TINAG: variants seen among roughly 807,000 people sequenced by gnomAD.
The protein encoded by TINAG is tubulointerstitial nephritis antigen.
TINAG carries 83 observed loss-of-function variants against 72.7 expected under a neutral mutation model. The observed-to-expected ratio is 1.14, with a 90% CI of 0.96 to 1.37. The LOEUF (loss-of-function observed/expected upper bound fraction) is 1.37, where lower values mean the gene tolerates loss of function less well. TINAG is among the 40% of genes most tolerant of loss of function. The pLI, the probability that TINAG is intolerant of heterozygous loss-of-function variation, is 0.00. For synonymous variants in TINAG, 234 were observed against 189.9 expected, an observed-to-expected ratio of 1.23 and a Z score of -1.91; for missense variants, 685 against 576.6, an observed-to-expected ratio of 1.19 and a Z score of -1.93.
intron 9 of TINAG, among the ~76,000 whole-genome samples, chr6:54,379,427 A>G (rs1014550213): frequency 6.6e-6 from 1 of 152,174 alleles, no homozygotes; most frequent in African/African-American, 2.4e-5. Flanking sequence ...TAGGTTTTTT[A>G]TGAGCTGTCA....
Position 54,373,083 on chromosome 6 carries a change from A to G in TINAG, c.1251-7443A>G, listed in dbSNP as rs1478480528. Among the ~76,000 whole-genome samples, 3 of 152,154 alleles carry G rather than the reference A, an allele frequency of 2.0e-5. No homozygotes were observed. The East Asian group carries it at 5.8e-4, about 29-fold the overall frequency. ...ATATTACTCTTCTCCATTCCCATCAATGTAACAATTGTGTTCATTACATTT... is the reference window on the plus strand; with the variant it reads ...ATATTACTCTTCTCCATTCCCATCAGTGTAACAATTGTGTTCATTACATTT... On this transcript the variant is annotated intron_variant, in intron 9 of 10. Transcript: ENST00000259782.
intron 1 of TINAG, among the ~76,000 whole-genome samples, chr6:54,317,610 AGTCTTGGGTAT>A (rs1784402528): frequency 6.6e-6 from 1 of 152,156 alleles, no homozygotes; most frequent in Non-Finnish European, 1.5e-5. Flanking sequence ...TAAATTACTC[AGTCTTGGGTAT>A]GTCTTTATTA....
chr6:54,326,760 C>T (rs1426492540), intron 3 of TINAG, 42 bp from the exon 4 acceptor site: 4 of 1,403,038 alleles, frequency 2.9e-6, no homozygotes, highest in Non-Finnish European at 3.9e-6. Context: ...GTCATATAAC[C>T]TGTATATATT....
At chr6:54,324,314 T>A in intron 3 of TINAG, among the ~76,000 whole-genome samples, 1 of 152,234 alleles carries the variant, frequency 6.6e-6, no homozygotes, top group East Asian at 1.9e-4. Flanking sequence ...TGTGATGGCC[T>A]TACTCTATGT....
chr6:54,360,114 T>C (rs947024782), intron 9 of TINAG, among the ~76,000 whole-genome samples: 9 of 151,832 alleles, frequency 5.9e-5, no homozygotes, highest in African/African-American at 2.2e-4. Flanking sequence ...GCAGATACAT[T>C]CGCAATTGAT....
chr6:54,339,552 G>T (rs1197849484), intron 4 of TINAG, among the ~76,000 whole-genome samples: 1 of 152,100 alleles, frequency 6.6e-6, no homozygotes, highest in African/African-American at 2.4e-5. Flanking sequence ...GGGTTGAGGG[G>T]GGTGCATGGA....
At position 54,343,775 on chromosome 6, in the gene TINAG, T is replaced by C. The variant is rs547422519; in HGVS notation, c.748+426T>C. ...AAACAGTTATTAATCTAATTTGATG[T>C]GAAGTAAGACTTTAAACCTAAATAA... On this transcript the variant is annotated intron_variant, in intron 5 of 10. Transcript: ENST00000259782. 8.5e-5 allele frequency among the ~76,000 whole-genome samples: 13 copies of C among 152,256 alleles called. No homozygotes were observed. The South Asian group carries it at 2.5e-3, about 29-fold the overall frequency.
intron 5 of TINAG, among the ~76,000 whole-genome samples, chr6:54,347,066 C>A (rs1045458035): frequency 9.2e-5 from 14 of 151,944 alleles, no homozygotes; most frequent in Non-Finnish European, 1.6e-4. Flanking sequence ...AGAGTTTCAC[C>A]TGACAGATTC....
intron 9 of TINAG, among the ~76,000 whole-genome samples, chr6:54,359,278 C>T (rs1486502153): frequency 6.6e-6 from 1 of 151,810 alleles, no homozygotes; most frequent in Non-Finnish European, 1.5e-5. Context: ...AAGTCTAATT[C>T]CTTCTAAACT....
chr6:54,366,152 C>T (rs760319788), intron 9 of TINAG, among the ~76,000 whole-genome samples: 36 of 151,406 alleles, frequency 2.4e-4, no homozygotes, highest in Non-Finnish European at 4.4e-5. Flanking sequence ...TTTCATTTTG[C>T]CAGAAATAAG....
intron 4 of TINAG, chr6:54,327,303 G>A (rs1784630623): frequency 1.0e-6 from 1 of 994,974 alleles, no homozygotes; most frequent in Non-Finnish European, 1.3e-6. Context: ...CATGGAGGGT[G>A]AGCAGAAGCA....
intron 8 of TINAG, among the ~76,000 whole-genome samples, chr6:54,353,673 T>C (rs550887595): frequency 1.3e-4 from 19 of 151,962 alleles, no homozygotes; most frequent in African/African-American, 4.6e-4. Context: ...ATTGAAAAGT[T>C]ATATTTAACT....
intron 4 of TINAG, among the ~76,000 whole-genome samples, chr6:54,333,654 C>A (rs1784797178): frequency 6.6e-6 from 1 of 151,790 alleles, no homozygotes; most frequent in African/African-American, 2.4e-5. Context: ...AATTGATAAT[C>A]CAGAAAAAGA....
intron 5 of TINAG, 110 bp downstream of exon 5, chr6:54,343,459 G>A: frequency 9.4e-7 from 1 of 1,066,024 alleles, no homozygotes; most frequent in Non-Finnish European, 1.2e-6. Context: ...ATTAGCATAT[G>A]ATCAAATAAA....
intron 4 of TINAG, among the ~76,000 whole-genome samples, chr6:54,334,459 T>C (rs939799437): frequency 3.3e-5 from 5 of 152,234 alleles, no homozygotes; most frequent in Non-Finnish European, 5.9e-5. Flanking sequence ...TTATAACTAG[T>C]ATCAGAGAAG....
Position 54,308,529 on chromosome 6 carries a change from A to T in TINAG, c.-22A>T, listed in dbSNP as rs1197863117. 3 of 1,585,728 alleles carry T rather than the reference A, an allele frequency of 1.9e-6. No homozygotes were observed. Among genetic ancestry groups the T allele is most frequent in the Non-Finnish European group, 2.6e-6 (3 of 1,165,924 alleles). ...GGTATTGGATATAACGGAAAGTGGAAGCTATACCTGACTTCCAGAGAATGT... is the reference window on the plus strand; with the variant it reads ...GGTATTGGATATAACGGAAAGTGGATGCTATACCTGACTTCCAGAGAATGT... On this transcript the variant is annotated 5_prime_UTR_variant, in exon 1 of 11. It adds an upstream start codon to the 5' untranslated region. Transcript: ENST00000259782.
intron 1 of TINAG, among the ~76,000 whole-genome samples, chr6:54,318,413 G>C (rs1784419601): frequency 6.6e-6 from 1 of 152,058 alleles, no homozygotes; most frequent in Non-Finnish European, 1.5e-5. Flanking sequence ...AGGTATCTTT[G>C]ATTCCTCTTT....
chr6:54,374,097 A>G (rs1334456223), intron 9 of TINAG, among the ~76,000 whole-genome samples: 1 of 152,066 alleles, frequency 6.6e-6, no homozygotes, highest in East Asian at 1.9e-4. Flanking sequence ...AATTTTCTCC[A>G]AACTTCTTTT....
intron 9 of TINAG, among the ~76,000 whole-genome samples, chr6:54,357,949 T>C (rs1002495992): frequency 1.3e-5 from 2 of 151,888 alleles, no homozygotes; most frequent in Non-Finnish European, 2.9e-5. Flanking sequence ...AGGGCCAACA[T>C]ATTCTGAGGA....
Sources: gnomAD v4.1 joint callset for allele counts (sites outside exome capture counted in the v4.1 genomes callset) on GRCh38, gnomAD v4.1.1 for gene constraint, MANE v1.5 for transcripts, NCBI Gene and HGNC (gene_info 2026-07-23, HGNC 2026-07-21) for gene names.